The following FHIT variants were observed in gnomAD, a reference collection of about 807,000 sequenced individuals.
FHIT encodes the protein bis(5'-adenosyl)-triphosphatase.
A neutral mutation model predicts 17.9 loss-of-function variants in FHIT; 19 were observed. That is an observed-to-expected ratio of 1.06 (90% confidence interval 0.74 to 1.56). The LOEUF (loss-of-function observed/expected upper bound fraction) is 1.56, where lower values mean the gene tolerates loss of function less well. Among genes scored for constraint, FHIT ranks in the 40% most tolerant of loss-of-function variants. FHIT has a pLI of 0.00. For missense variants in FHIT, 248 were observed against 189.2 expected (o/e 1.31, Z -1.82); for synonymous variants, 81 against 69.7 (o/e 1.16, Z -0.81).
Position 60,226,472 on chromosome 3 carries a change from C to CAAAAAAAAAAAAAAAAAAA in FHIT, c.104-212339_104-212321dup, listed in dbSNP as rs1189100387. On this transcript the variant is annotated intron_variant, in intron 5 of 9. Transcript: ENST00000492590. ...GGGCAACAAGAGTGAAACTCCGTCTCAAAAAAAAAAAAAAAAAAAAAACAC... is the reference window on the plus strand; with the variant it reads ...GGGCAACAAGAGTGAAACTCCGTCTCAAAAAAAAAAAAAAAAAAAAAAAAAAAAAAAAAAAAAAAAACAC... Among the ~76,000 whole-genome samples, 5 of 70,148 alleles carry CAAAAAAAAAAAAAAAAAAA rather than the reference C, an allele frequency of 7.1e-5. 2 individuals carry two copies. Among genetic ancestry groups the CAAAAAAAAAAAAAAAAAAA allele is most frequent in the African/African-American group, 5.8e-5 (1 of 17,276 alleles). 46.0% of individuals were successfully genotyped at this position (70,148 alleles called of 152,430 possible).
intron 8 of FHIT, among the ~76,000 whole-genome samples, chr3:59,857,786 G>A (rs930595003): frequency 7.3e-6 from 1 of 137,828 alleles, no homozygotes; most frequent in Non-Finnish European, 1.5e-5. Context: ...AAACAAGAAT[G>A]CATTTCTCAA....
intron 8 of FHIT, among the ~76,000 whole-genome samples, chr3:59,801,159 G>A (rs143805361): frequency 6.6e-6 from 1 of 152,322 alleles, no homozygotes; most frequent in Non-Finnish European, 1.5e-5. Context: ...TGCCAGGCCT[G>A]TGCTACCTCA....
chr3:60,022,513 C>T (rs891664964), intron 5 of FHIT, among the ~76,000 whole-genome samples: 2 of 152,186 alleles, frequency 1.3e-5, no homozygotes, highest in African/African-American at 2.4e-5. Context: ...AGACAGGCAG[C>T]AATGCTTTGC....
chr3:60,209,673 T>A (rs144703153), intron 5 of FHIT, among the ~76,000 whole-genome samples: 526 of 152,190 alleles, frequency 3.5e-3, no homozygotes, highest in African/African-American at 0.012. Context: ...GAAAAAGACA[T>A]GGAACCAATC....
At chr3:60,414,600 C>T (rs1277304565) in intron 5 of FHIT, among the ~76,000 whole-genome samples, 1 of 152,150 alleles carries the variant, frequency 6.6e-6, no homozygotes, top group Admixed American at 6.5e-5. Flanking sequence ...ACTCTAAAAT[C>T]AAACAATATT....
At chr3:60,043,204 C>T (rs980026547) in intron 5 of FHIT, among the ~76,000 whole-genome samples, 5 of 152,202 alleles carry the variant, frequency 3.3e-5, no homozygotes, top group East Asian at 1.9e-4. Context: ...CCCACAACAA[C>T]GGTGACATCA....
In FHIT at chr3:61,070,472, T is replaced by G. The variant is rs543643145; in HGVS notation, c.-163-28373A>C. Among the ~76,000 whole-genome samples the G allele has an allele frequency of 1.1e-4, 17 of 152,268 alleles. No homozygotes were observed. In the East Asian group the frequency reaches 1.4e-3, roughly 12 times the overall value. On this transcript the variant is annotated intron_variant, in intron 2 of 9. Coordinates refer to ENST00000492590, the MANE Select transcript of FHIT (RefSeq NM_002012.4). The stretch of plus-strand genomic sequence containing the variant: ...GTGAAAATCACTCAAAAGACCCCCG[T>G]GGAAATGGACAGACTTGTGTGGAAA...
intron 4 of FHIT, among the ~76,000 whole-genome samples, chr3:60,606,201 T>C (rs985957582): frequency 6.6e-6 from 1 of 152,038 alleles, no homozygotes; most frequent in Non-Finnish European, 1.5e-5. Flanking sequence ...ACATCACTTG[T>C]TCAGTTTTGG....
At chr3:60,591,473 C>T (rs756505969) in intron 4 of FHIT, among the ~76,000 whole-genome samples, 1 of 151,960 alleles carries the variant, frequency 6.6e-6, no homozygotes, top group South Asian at 2.1e-4. Flanking sequence ...AAGCAAAGTC[C>T]CCAAAGAATA....
chr3:59,869,683 G>A (rs1216835574), intron 8 of FHIT, among the ~76,000 whole-genome samples: 1 of 150,792 alleles, frequency 6.6e-6, no homozygotes, highest in Non-Finnish European at 1.5e-5. Context: ...TAGAGACAGG[G>A]TTTCATCATG....
chr3:60,871,563 A>G (rs1248496746), intron 3 of FHIT, among the ~76,000 whole-genome samples: 4 of 152,186 alleles, frequency 2.6e-5, no homozygotes, highest in African/African-American at 9.6e-5. Context: ...AGGACTCTGT[A>G]TAAATAAGGA....
intron 5 of FHIT, among the ~76,000 whole-genome samples, chr3:60,372,418 T>G (rs1000567409): frequency 6.6e-6 from 1 of 152,184 alleles, no homozygotes; most frequent in Non-Finnish European, 1.5e-5. Flanking sequence ...ATTTAGAACA[T>G]TATGTTTAAA....
intron 8 of FHIT, among the ~76,000 whole-genome samples, chr3:59,895,529 T>A (rs1349123170): frequency 6.6e-6 from 1 of 152,048 alleles, no homozygotes; most frequent in African/African-American, 2.4e-5. Flanking sequence ...ACACTTCCAA[T>A]AAATCTGTCC....
chr3:60,441,718 A>T (rs193000904), intron 5 of FHIT, among the ~76,000 whole-genome samples: 1 of 93,814 alleles, frequency 1.1e-5, no homozygotes. Flanking sequence ...ATATATATAT[A>T]TATATTTGTA....
In FHIT at chr3:60,769,702, C is replaced by T. The variant is rs1166073110; in HGVS notation, c.-18+52217G>A. ...GCTCAGTGTTTGCCTTGTGTGAACG[C>T]AGTTTGAACATTCAGCAGTCTATGT... On this transcript the variant is annotated intron_variant, in intron 4 of 9. Coordinates refer to ENST00000492590, the MANE Select transcript of FHIT (RefSeq NM_002012.4). 3.9e-5 allele frequency among the ~76,000 whole-genome samples: 6 copies of T among 152,294 alleles called. No homozygotes were observed. The East Asian group carries it at 9.6e-4, about 24-fold the overall frequency.
chr3:60,236,037 C>G (rs976485272), intron 5 of FHIT, among the ~76,000 whole-genome samples: 1 of 151,926 alleles, frequency 6.6e-6, no homozygotes, highest in African/African-American at 2.4e-5. Flanking sequence ...TTCTGCTGCA[C>G]GTAGTTCTCA....
At chr3:60,359,672 G>A (rs1028781714) in intron 5 of FHIT, among the ~76,000 whole-genome samples, 5 of 152,182 alleles carry the variant, frequency 3.3e-5, no homozygotes, top group Non-Finnish European at 5.9e-5. Flanking sequence ...AAAGAGACAG[G>A]AGCAAAAGGT....
chr3:61,241,923 ACT>A (rs1166492713), intron 1 of FHIT, among the ~76,000 whole-genome samples: 1 of 152,050 alleles, frequency 6.6e-6, no homozygotes, highest in Non-Finnish European at 1.5e-5. Flanking sequence ...TGGCAAAAAC[ACT>A]CTTTTTCCCA....
At chr3:61,187,845 G>A (rs976939637) in intron 2 of FHIT, among the ~76,000 whole-genome samples, 2 of 152,274 alleles carry the variant, frequency 1.3e-5, no homozygotes, top group South Asian at 2.1e-4. Context: ...AGTACATCAC[G>A]AAATGAAGGT....
Sources: gnomAD v4.1 joint callset for allele counts (sites outside exome capture counted in the v4.1 genomes callset) on GRCh38, gnomAD v4.1.1 for gene constraint, MANE v1.5 for transcripts, NCBI Gene and HGNC (gene_info 2026-07-23, HGNC 2026-07-21) for gene names.